Variants in ACKR2 observed in about 807,000 individuals in gnomAD.
ACKR2 encodes the protein atypical chemokine receptor 2.
For synonymous variants in ACKR2, 207 were observed against 192.2 expected (o/e 1.08, Z -0.64); for missense variants, 457 against 477.3 (o/e 0.96, Z 0.40).
chr3:42,820,415 A>C (rs1232205317), intron 2 of ACKR2, among the ~76,000 whole-genome samples: 1 of 151,920 alleles, frequency 6.6e-6, no homozygotes, highest in African/African-American at 2.4e-5. Flanking sequence ...AACATGGTGA[A>C]ACCCCATCTC....
At chr3:42,810,723 T>A (rs1429377122) in intron 1 of ACKR2, among the ~76,000 whole-genome samples, 1 of 152,230 alleles carries the variant, frequency 6.6e-6, no homozygotes, top group Non-Finnish European at 1.5e-5. Context: ...CTCGTGCCCC[T>A]TTGTTCAAGT....
intron 2 of ACKR2, chr3:42,856,463 G>C: frequency 1.4e-6 from 1 of 697,462 alleles, no homozygotes; most frequent in Non-Finnish European, 2.6e-6. Context: ...CATTTCTTTC[G>C]AAGTCTGCCT....
chr3:42,842,524 T>C (rs945362998), intron 2 of ACKR2, among the ~76,000 whole-genome samples: 1 of 152,168 alleles, frequency 6.6e-6, no homozygotes, highest in Admixed American at 6.5e-5. Context: ...TTTTTCAAAG[T>C]TCCTCTGGCT....
chr3:42,826,678 G>C (rs1175544231), intron 2 of ACKR2, among the ~76,000 whole-genome samples: 1 of 152,010 alleles, frequency 6.6e-6, no homozygotes, highest in Non-Finnish European at 1.5e-5. Flanking sequence ...TGTTTTCCAA[G>C]AACAACCTTT....
intron 2 of ACKR2, among the ~76,000 whole-genome samples, chr3:42,828,503 A>G (rs1262442524): frequency 3.3e-5 from 5 of 152,168 alleles, no homozygotes; most frequent in African/African-American, 1.2e-4. Flanking sequence ...TCCTTCCACA[A>G]TGCAGCCCCT....
At chr3:42,829,040 T>G (rs182943504) in intron 2 of ACKR2, among the ~76,000 whole-genome samples, 3 of 152,106 alleles carry the variant, frequency 2.0e-5, no homozygotes, top group Admixed American at 2.0e-4. Context: ...ATTAAAGAGT[T>G]AGAAAAGGAA....
intron 2 of ACKR2, among the ~76,000 whole-genome samples, chr3:42,854,294 T>C (rs551349306): frequency 2.6e-5 from 4 of 152,314 alleles, no homozygotes; most frequent in Non-Finnish European, 5.9e-5. Flanking sequence ...AGTTTCAGGT[T>C]ACCAACTTAA....
At chr3:42,839,750 G>C (rs1701018387) in intron 2 of ACKR2, among the ~76,000 whole-genome samples, 1 of 152,202 alleles carries the variant, frequency 6.6e-6, no homozygotes. Flanking sequence ...GGAGAGGCAG[G>C]AGAGGATGAT....
At chr3:42,861,505 C>G (rs541397076) in intron 2 of ACKR2, among the ~76,000 whole-genome samples, 1 of 152,206 alleles carries the variant, frequency 6.6e-6, no homozygotes, top group Non-Finnish European at 1.5e-5. Flanking sequence ...TCCTCTTTAA[C>G]TCATTTTATG....
intron 2 of ACKR2, among the ~76,000 whole-genome samples, chr3:42,859,964 C>T (rs1377701184): frequency 6.6e-6 from 1 of 151,752 alleles, no homozygotes; most frequent in African/African-American, 2.4e-5. Context: ...ATCATAATGA[C>T]AGAATCAAAT....
rs546871903 is a variant in ACKR2, at chr3:42,817,179, A to C, written c.-118-2452A>C. On this transcript the variant is annotated intron_variant, in intron 1 of 2. Coordinates refer to ENST00000422265, the MANE Select transcript of ACKR2 (RefSeq NM_001296.5). ...GCTTGGGATGTAATAGAGCCTCAGT[A>C]CATGTTAGATCCTCTCACCAAACCA... is the stretch of plus-strand genomic sequence containing the variant. Among the ~76,000 whole-genome samples, 11 of 152,312 alleles carry C rather than the reference A, an allele frequency of 7.2e-5. No homozygotes were observed. In the East Asian group the frequency reaches 1.7e-3, roughly 24 times the overall value.
intron 2 of ACKR2, among the ~76,000 whole-genome samples, chr3:42,820,849 G>T (rs1700803642): frequency 6.6e-6 from 1 of 151,526 alleles, no homozygotes; most frequent in Non-Finnish European, 1.5e-5. Context: ...TCTAGGAATT[G>T]GGTGGGTTAT....
At chr3:42,833,003 A>G (rs956534129) in intron 2 of ACKR2, among the ~76,000 whole-genome samples, 1 of 152,212 alleles carries the variant, frequency 6.6e-6, no homozygotes, top group African/African-American at 2.4e-5. Context: ...AGCTGGGACT[A>G]CAGGCATGTG....
At chr3:42,848,985 G>A (rs1460824997) in intron 2 of ACKR2, among the ~76,000 whole-genome samples, 1 of 152,180 alleles carries the variant, frequency 6.6e-6, no homozygotes, top group Non-Finnish European at 1.5e-5. Flanking sequence ...TCAAGGTCAT[G>A]AAAGACAAAG....
At chr3:42,814,185 G>A (rs1469202799) in intron 1 of ACKR2, among the ~76,000 whole-genome samples, 1 of 152,190 alleles carries the variant, frequency 6.6e-6, no homozygotes, top group Non-Finnish European at 1.5e-5. Context: ...ACAAGAAAAT[G>A]ACAATGACAC....
chr3:42,845,097 C>T (rs1701079388), intron 2 of ACKR2, among the ~76,000 whole-genome samples: 1 of 152,192 alleles, frequency 6.6e-6, no homozygotes, highest in African/African-American at 2.4e-5. Flanking sequence ...TGCCATGTCC[C>T]TGTGCCCCCT....
intron 2 of ACKR2, among the ~76,000 whole-genome samples, chr3:42,825,282 AG>A (rs1700851152): frequency 6.6e-6 from 1 of 152,174 alleles, no homozygotes; most frequent in Non-Finnish European, 1.5e-5. Context: ...TTGAATCTGT[AG>A]ATCAATGAAG....
At chr3:42,826,907 T>C (rs2125606974) in intron 2 of ACKR2, among the ~76,000 whole-genome samples, 1 of 152,320 alleles carries the variant, frequency 6.6e-6, no homozygotes, top group African/African-American at 2.4e-5. Flanking sequence ...ATAAGTTTGG[T>C]ACATTTTATT....
intron 2 of ACKR2, among the ~76,000 whole-genome samples, chr3:42,864,023 A>T (rs4682868): frequency 0.4 from 61,401 of 151,784 alleles, 13,015 homozygotes; most frequent in East Asian, 0.69. Context: ...AAAATTTTTT[A>T]AAAAAGCCCC....
Sources: allele counts gnomAD v4.1 joint callset (sites outside exome capture counted in the v4.1 genomes callset), GRCh38; gene constraint gnomAD v4.1.1; transcripts MANE v1.5; gene names NCBI Gene and HGNC (gene_info 2026-07-23, HGNC 2026-07-21).